Variants in RAD50 observed in about 807,000 individuals in gnomAD.
RAD50 encodes RAD50 double strand break repair protein.
Under a neutral mutation model 168.8 loss-of-function variants are expected in RAD50, and 132 were observed. The ratio of observed to expected loss-of-function variants is 0.78; its 90% CI spans 0.68 to 0.90. The LOEUF (loss-of-function observed/expected upper bound fraction) is 0.90. Ranked by LOEUF, RAD50 falls within the 40% of genes least tolerant of loss-of-function variation. RAD50 has a pLI of 0.00. For missense variants in RAD50, 1,347 were observed against 1,534.4 expected, an observed-to-expected ratio of 0.88 and a Z score of 2.04; for synonymous variants, 525 against 497.4, an observed-to-expected ratio of 1.06 and a Z score of -0.74.
intron 11 of RAD50, among the ~76,000 whole-genome samples, chr5:132,593,962 A>G (rs1480635509): frequency 6.6e-6 from 1 of 152,164 alleles, no homozygotes; most frequent in Non-Finnish European, 1.5e-5. Flanking sequence ...GGAGAAGGTC[A>G]ACAGTGTTTG....
intron 21 of RAD50, among the ~76,000 whole-genome samples, chr5:132,619,638 T>C (rs1751239875): frequency 6.6e-6 from 1 of 152,078 alleles, no homozygotes; most frequent in Non-Finnish European, 1.5e-5. Flanking sequence ...CAGTTATATG[T>C]ATTACAAATG....
At chr5:132,616,804 C>G (rs1366024604) in intron 20 of RAD50, among the ~76,000 whole-genome samples, 3 of 152,164 alleles carry the variant, frequency 2.0e-5, no homozygotes, top group African/African-American at 4.8e-5. Context: ...AAATCCAGGC[C>G]TCTCATTTAT....
chr5:132,633,104 T>TC (rs1005777974), intron 21 of RAD50, among the ~76,000 whole-genome samples: 3 of 145,262 alleles, frequency 2.1e-5, no homozygotes, highest in African/African-American at 5.1e-5. Context: ...TTTTCTTTTT[T>TC]TTTTTTTTTT....
At chr5:132,603,778 C>A in intron 14 of RAD50, 142 bp from the exon 15 acceptor site, 1 of 843,884 alleles carries the variant, frequency 1.2e-6, no homozygotes, top group Non-Finnish European at 1.8e-6. Context: ...CACTTTTATC[C>A]TATTAAACTT....
intron 1 of RAD50, among the ~76,000 whole-genome samples, chr5:132,557,848 A>G (rs764646798): frequency 1.3e-5 from 2 of 152,256 alleles, no homozygotes; most frequent in Admixed American, 6.5e-5. Context: ...TTATAAAATG[A>G]TACATACATG....
rs144811496 is a variant in RAD50, at chr5:132,611,263, C to T, written c.3036+1867C>T. 2.9e-3 allele frequency among the ~76,000 whole-genome samples: 437 copies of T among 152,148 alleles called. 4 individuals carry two copies. Among genetic ancestry groups the T allele is most frequent in the African/African-American group, 9.8e-3 (406 of 41,508 alleles). On this transcript the variant is annotated intron_variant, in intron 19 of 24. Coordinates refer to ENST00000378823, the MANE Select transcript of RAD50 (RefSeq NM_005732.4). Reference sequence around the variant, plus strand: ...AAAATTAGCCAGGTGTGGTGACACGCGCCTGTAATCCCAGGTACTCAGGAG... The same window carrying T: ...AAAATTAGCCAGGTGTGGTGACACGTGCCTGTAATCCCAGGTACTCAGGAG...
At chr5:132,590,208 A>T (rs1436320938) in intron 9 of RAD50, among the ~76,000 whole-genome samples, 1 of 152,222 alleles carries the variant, frequency 6.6e-6, no homozygotes, top group Non-Finnish European at 1.5e-5. Flanking sequence ...GGTGTCTCAC[A>T]CCTGTAATCC....
rs786203703 is a variant in RAD50, at chr5:132,618,109, A to C, written c.3204A>C (p.Lys1068Asn). 6.2e-7 allele frequency: 1 copy of C among 1,613,738 alleles called. No homozygotes were observed. Among genetic ancestry groups the C allele is most frequent in the Non-Finnish European group, 8.5e-7 (1 of 1,179,784 alleles). The change falls in exon 21 of 25, where the codon AAA (lysine) becomes AAC (asparagine). Residue 1068 changes from lysine (K) to asparagine (N), a missense_variant. Physicochemically the swap from Lys to Asn is moderately conservative, Grantham distance 94. Around this residue, in one of 3 missense-constraint regions of RAD50, gnomAD observed 635 missense variants for 739.2 expected, o/e 0.86. Transcript: ENST00000378823. ...TGGAAGAGAACATAGACAATATAAA[A>C]AGAAATCATAATTTGGCATTAGGGC... ...QKLEENIDNIKRNHNLALGRQ... is the reference protein window; with the variant it reads ...QKLEENIDNINRNHNLALGRQ...
intron 19 of RAD50, among the ~76,000 whole-genome samples, chr5:132,612,045 T>G (rs1751097595): frequency 1.3e-5 from 2 of 152,214 alleles, no homozygotes; most frequent in Admixed American, 1.3e-4. Flanking sequence ...AAAACATATG[T>G]TCCCACAACA....
chr5:132,637,389 C>A (rs572993031), intron 22 of RAD50, among the ~76,000 whole-genome samples, 189 bp downstream of exon 22: 3 of 152,090 alleles, frequency 2.0e-5, no homozygotes. Context: ...GTTCCAGAGC[C>A]TAACAGGACT....
chr5:132,603,218 G>A (rs1217541075), intron 13 of RAD50, 82 bp from the exon 14 acceptor site: 1 of 1,259,404 alleles, frequency 7.9e-7, no homozygotes, highest in Non-Finnish European at 1.1e-6. Flanking sequence ...CACTTCTGTG[G>A]TATTCTTCCT....
chr5:132,584,027 C>G (rs1750552058), intron 5 of RAD50, among the ~76,000 whole-genome samples: 1 of 152,056 alleles, frequency 6.6e-6, no homozygotes, highest in Non-Finnish European at 1.5e-5. Flanking sequence ...GAGGAGCATT[C>G]CTTCCATTGT....
chr5:132,603,402 A>G lies in RAD50; in HGVS notation c.2310A>G (p.Glu770=). 3 of 1,613,972 alleles carry G rather than the reference A, an allele frequency of 1.9e-6. No individual in the cohort carries two copies. Among genetic ancestry groups the G allele is most frequent in the Non-Finnish European group, 2.5e-6 (3 of 1,179,884 alleles). ...AGCGCCTAAAGAACGACATAGAAGA[A>G]CAAGAAACACTCTTGGGTACAATAA... The part of the protein sequence containing the change: ...DIQRLKNDIE[E]QETLLGTIMP... Residue 770 remains glutamate, a synonymous_variant, in exon 14 of 25, where the codon GAA becomes GAG. Transcript: ENST00000378823.
intron 3 of RAD50, among the ~76,000 whole-genome samples, chr5:132,578,989 T>G (rs540013187): frequency 6.6e-6 from 1 of 152,320 alleles, no homozygotes; most frequent in East Asian, 1.9e-4. Flanking sequence ...ATGTTTTGTT[T>G]TATTCTTTGT....
rs79229143 is a variant in RAD50, at chr5:132,643,725, T to TGGGGGGGGGGGGGG, written c.*1370_*1371insGGGGGGGGGGGGGG. 2 of 99,386 alleles carry TGGGGGGGGGGGGGG rather than the reference T, an allele frequency of 2.0e-5. No individual in the cohort carries two copies. The highest frequency in any genetic ancestry group is 3.9e-5 in the Non-Finnish European group (2 of 51,878). 6.2% of individuals were successfully genotyped at this position (99,386 alleles called of 1,614,324 possible). A position where few individuals can be genotyped will look rare whatever the true frequency, so the allele number is the denominator to read the frequency against. ...GAGTATCCTGGGGGTGGTGGTGGGG[T>TGGGGGGGGGGGGGG]GGGGGGGGGTCCTAAATGTAATCAC... On this transcript the variant is annotated 3_prime_UTR_variant, in exon 25 of 25. Transcript: ENST00000378823.
rs980327824 is a variant in RAD50, at chr5:132,639,353, C to CAAAA, written c.3618+1145_3618+1148dup. On this transcript the variant is annotated intron_variant, in intron 23 of 24. Coordinates refer to ENST00000378823, the MANE Select transcript of RAD50 (RefSeq NM_005732.4). ...AGGCAACAAGAGCGAAACTCCGTCTCAAAAAAAAAAAAAAAAAAGAACATG... is the reference window on the plus strand; with the variant it reads ...AGGCAACAAGAGCGAAACTCCGTCTCAAAAAAAAAAAAAAAAAAAAAAGAACATG... Among the ~76,000 whole-genome samples, 45 of 82,668 alleles carry CAAAA rather than the reference C, an allele frequency of 5.4e-4. 1 individual carries two copies. Among genetic ancestry groups the CAAAA allele is most frequent in the African/African-American group, 1.8e-3 (44 of 23,944 alleles). 54.2% of individuals were successfully genotyped at this position (82,668 alleles called of 152,430 possible).
At position 132,643,477 on chromosome 5, in the gene RAD50, T is replaced by C. The variant is rs1167379033; in HGVS notation, c.*1113T>C. The C allele has an allele frequency of 1.3e-5, 3 of 232,078 alleles. No individual in the cohort carries two copies. The highest frequency in any genetic ancestry group is 2.6e-5 in the Non-Finnish European group (3 of 115,976). The allele number at this position is 232,078 out of a possible 1,614,324, so 14.4% of individuals were successfully genotyped here. A position where few individuals can be genotyped will look rare whatever the true frequency, so the allele number is the denominator to read the frequency against. On this transcript the variant is annotated 3_prime_UTR_variant, in exon 25 of 25. Transcript: ENST00000378823. ...GTCTTGATTCAGTCACATGGCATGG[T>C]TTTGTGCCATCTGTAGCTATAATGA...
intron 21 of RAD50, among the ~76,000 whole-genome samples, chr5:132,634,727 A>G (rs73787025): frequency 0.035 from 5,287 of 152,284 alleles, 300 homozygotes; most frequent in African/African-American, 0.12. Context: ...TTAAGAAAAC[A>G]TTCTTTGATT....
At chr5:132,568,637 A>G (rs973138203) in intron 2 of RAD50, among the ~76,000 whole-genome samples, 3 of 152,220 alleles carry the variant, frequency 2.0e-5, no homozygotes, top group Non-Finnish European at 4.4e-5. Flanking sequence ...GAGTATGATT[A>G]CTTCTTAGGA....
Sources: allele counts gnomAD v4.1 joint callset (sites outside exome capture counted in the v4.1 genomes callset), GRCh38; gene constraint gnomAD v4.1.1; regional missense constraint gnomAD v4.1.1; transcripts MANE v1.5; gene names NCBI Gene and HGNC (gene_info 2026-07-23, HGNC 2026-07-21).